Variants in BCL11A observed in about 807,000 individuals in gnomAD.
The protein encoded by BCL11A is B cell CLL/lymphoma 11A.
In BCL11A, 2 loss-of-function variants were observed where a neutral mutation model predicts 55.9. That is an observed-to-expected ratio of 0.04 (90% confidence interval 0.01 to 0.11). The LOEUF is 0.11. BCL11A is among the 10% of genes least tolerant of loss of function. BCL11A has a pLI of 1.00. For missense variants in BCL11A, 817 were observed against 1,137.1 expected, an observed-to-expected ratio of 0.72 and a Z score of 4.05; for synonymous variants, 465 against 473.4, an observed-to-expected ratio of 0.98 and a Z score of 0.23.
chr2:60,520,825 C>A (rs1474991154), intron 2 of BCL11A, among the ~76,000 whole-genome samples: 2 of 144,702 alleles, frequency 1.4e-5, no homozygotes, highest in African/African-American at 2.6e-5. Context: ...GAACCAAAAA[C>A]CACCCATGCC....
chr2:60,524,658 C>CA (rs1173582662), intron 2 of BCL11A: 16 of 152,088 alleles, frequency 1.1e-4, no homozygotes, highest in Non-Finnish European at 1.5e-4. Context: ...CTATAGATCT[C>CA]AAGAGTGCCT....
At chr2:60,453,282 A>C (rs1477001700), downstream of BCL11A, among the ~76,000 whole-genome samples, 1 of 152,180 alleles carries the variant, frequency 6.6e-6, no homozygotes, top group Non-Finnish European at 1.5e-5. Context: ...CTTTTTTGGA[A>C]GGGGGAAGGC....
chr2:60,495,579 A>G (rs1678898893), intron 2 of BCL11A: 1 of 152,254 alleles, frequency 6.6e-6, no homozygotes, highest in Admixed American at 6.5e-5. Flanking sequence ...TGGTTTGCCC[A>G]TGGGGCACAG....
chr2:60,509,127 G>A (rs1052277292), intron 2 of BCL11A, among the ~76,000 whole-genome samples: 31 of 152,218 alleles, frequency 2.0e-4, no homozygotes, highest in African/African-American at 7.0e-4. Flanking sequence ...GATTCAAGCT[G>A]AGAAACAAGA....
intron 1 of BCL11A, among the ~76,000 whole-genome samples, chr2:60,548,961 A>G (rs865823580): frequency 3.3e-5 from 5 of 152,088 alleles, no homozygotes; most frequent in Non-Finnish European, 7.4e-5. Context: ...AAACCTTCCT[A>G]ACCCTCAGCC....
In BCL11A at chr2:60,553,293, G is replaced by T. The variant is rs777847470; in HGVS notation, c.-23C>A. On this transcript the variant is annotated 5_prime_UTR_variant, in exon 1 of 4. Transcript: ENST00000642384. ...CATGGTGGGCTGCGGGGCGGGCGGC[G>T]GCGGCGGCGGCGGCGGCGGCGGGCG... The T allele has an allele frequency of 2.6e-6, 4 of 1,523,496 alleles. No individual in the cohort carries two copies. Among genetic ancestry groups the T allele is most frequent in the Non-Finnish European group, 3.5e-6 (4 of 1,141,430 alleles). 94.4% of individuals were successfully genotyped at this position (1,523,496 alleles called of 1,614,324 possible).
chr2:60,527,593 G>C (rs1487971214), intron 2 of BCL11A: 1 of 152,284 alleles, frequency 6.6e-6, no homozygotes, highest in East Asian at 1.9e-4. Flanking sequence ...ACCTGGATGT[G>C]ACCGACAACT....
Position 60,459,269 on chromosome 2 carries a change from C to A in BCL11A, c.*1135G>T. 9.8e-7 allele frequency: 1 copy of A among 1,017,330 alleles called. No individual in the cohort carries two copies. The highest frequency in any genetic ancestry group is 1.2e-6 in the Non-Finnish European group (1 of 848,032). 63.0% of individuals were successfully genotyped at this position (1,017,330 alleles called of 1,614,324 possible). ...AGATCTGGATCTATTTCTTTTGGTG[C>A]CAGTATTTTTAAAAAGACATTATTA... On this transcript the variant is annotated 3_prime_UTR_variant, in exon 4 of 4. Transcript: ENST00000642384.
chr2:60,456,389 C>T (rs1180991884), downstream of BCL11A, among the ~76,000 whole-genome samples: 1 of 152,226 alleles, frequency 6.6e-6, no homozygotes, highest in Admixed American at 6.5e-5. Flanking sequence ...ATAGACCTAA[C>T]TGGCTGGTCA....
At chr2:60,485,609 C>CGTCA (rs1260863046) in intron 2 of BCL11A, among the ~76,000 whole-genome samples, 9 of 152,226 alleles carry the variant, frequency 5.9e-5, no homozygotes, top group South Asian at 4.1e-4. Context: ...CTCCATCCAA[C>CGTCA]GTCACGAAGC....
rs1572946000 is a variant in BCL11A at position 60,458,926 on chromosome 2, T to C, written c.*1478A>G. ...CCATGTTAACACAAATAGCACACAGTGTATGGAAAAGAAATGAAGTACAAC... is the reference window on the plus strand; with the variant it reads ...CCATGTTAACACAAATAGCACACAGCGTATGGAAAAGAAATGAAGTACAAC... On this transcript the variant is annotated 3_prime_UTR_variant, in exon 4 of 4. Transcript: ENST00000642384. The C allele has an allele frequency of 1.9e-6, 2 of 1,033,752 alleles. No homozygotes were observed. Among genetic ancestry groups the C allele is most frequent in the Non-Finnish European group, 2.3e-6 (2 of 858,770 alleles). The allele number at this position is 1,033,752 out of a possible 1,614,324, so 64.0% of individuals were successfully genotyped here. A position where few individuals can be genotyped will look rare whatever the true frequency, so the allele number is the denominator to read the frequency against.
intron 2 of BCL11A, among the ~76,000 whole-genome samples, chr2:60,502,137 C>T (rs1357566803): frequency 6.6e-6 from 1 of 152,098 alleles, no homozygotes; most frequent in Non-Finnish European, 1.5e-5. Flanking sequence ...AACAATGCAA[C>T]TCAAGACTAT....
chr2:60,517,615 G>A (rs1296211311), intron 2 of BCL11A, among the ~76,000 whole-genome samples: 3 of 152,218 alleles, frequency 2.0e-5, no homozygotes, highest in Non-Finnish European at 4.4e-5. Context: ...AAGCACATGC[G>A]GGCCACCTCT....
In BCL11A at chr2:60,477,912, C is replaced by G. The variant is rs1018585861; in HGVS notation, c.386-9079G>C. Among the ~76,000 whole-genome samples the G allele has an allele frequency of 9.9e-5, 15 of 152,042 alleles. No individual in the cohort carries two copies. The East Asian group carries it at 1.7e-3, about 18-fold the overall frequency. ...CCAGAGGAGGGCAAGGCCTCCAACT[C>G]TAGCCCTTCTTAAGGAAGCACATCT... On this transcript the variant is annotated intron_variant, in intron 2 of 3. Coordinates refer to ENST00000642384, the MANE Select transcript of BCL11A (RefSeq NM_022893.4).
rs1676179020 is a variant in BCL11A, at chr2:60,460,290, T to C, written c.*114A>G. 14 of 1,474,466 alleles carry C rather than the reference T, an allele frequency of 9.5e-6. No homozygotes were observed. Among genetic ancestry groups the C allele is most frequent in the Middle Eastern group, 2.2e-4 (1 of 4,488 alleles). The allele number at this position is 1,474,466 out of a possible 1,614,324, so 91.3% of individuals were successfully genotyped here. A position where few individuals can be genotyped will look rare whatever the true frequency, so the allele number is the denominator to read the frequency against. ...CTGTTTGTTTGTTTGTTTGTTTAAA[T>C]CACATGGGACTAGAAAAAAATCCTA... On this transcript the variant is annotated 3_prime_UTR_variant, in exon 4 of 4. Coordinates refer to ENST00000642384, the MANE Select transcript of BCL11A (RefSeq NM_022893.4).
intron 2 of BCL11A, chr2:60,536,442 C>T (rs1366676163): frequency 2.0e-5 from 3 of 152,250 alleles, no homozygotes; most frequent in African/African-American, 7.2e-5. Flanking sequence ...ATGGAACCCA[C>T]ATCCACAACC....
Position 60,546,025 on chromosome 2 carries a change from C to T in BCL11A, c.331G>A (p.Asp111Asn), listed in dbSNP as rs752115328. ...CCTCTAGATGACGTTGATAAACAATCGTCATCCTCTGGCGTGACCTGGATG... is the reference window on the plus strand; with the variant it reads ...CCTCTAGATGACGTTGATAAACAATTGTCATCCTCTGGCGTGACCTGGATG... ...VGIQVTPEDDDCLSTSSRGIC... is the reference protein window; with the variant it reads ...VGIQVTPEDDNCLSTSSRGIC... Residue 111 changes from aspartate (D) to asparagine (N), a missense_variant, in exon 2 of 4, where the codon GAT (aspartate) becomes AAT (asparagine). Physicochemically the swap from Asp to Asn is conservative, Grantham distance 23. Coordinates refer to ENST00000642384, the MANE Select transcript of BCL11A (RefSeq NM_022893.4). The surrounding 1 kb of genome is among the most constrained non-coding windows in gnomAD (Gnocchi z 4.1). 1 of 1,614,248 alleles carries T rather than the reference C, an allele frequency of 6.2e-7. No homozygotes were observed. Among genetic ancestry groups the T allele is most frequent in the South Asian group, 1.1e-5 (1 of 91,074 alleles).
chr2:60,472,825 G>A (rs551513982), intron 2 of BCL11A, among the ~76,000 whole-genome samples: 1 of 152,274 alleles, frequency 6.6e-6, no homozygotes, highest in Non-Finnish European at 1.5e-5. Context: ...CTAATCAACA[G>A]GTAATACTGC....
At position 60,477,763 on chromosome 2, in the gene BCL11A, C is replaced by T. The variant is rs190000909; in HGVS notation, c.386-8930G>A. On this transcript the variant is annotated intron_variant, in intron 2 of 3. Coordinates refer to ENST00000642384, the MANE Select transcript of BCL11A (RefSeq NM_022893.4). ...AGTGTGGGCAGCCCCAGCGACACTG[C>T]AGCCCGGCCAGGTGGAGGGCTTTCC... is the stretch of plus-strand genomic sequence containing the variant. 1.9e-3 allele frequency among the ~76,000 whole-genome samples: 291 copies of T among 152,186 alleles called. 7 individuals carry two copies. Among genetic ancestry groups the T allele is most frequent in the Admixed American group, 0.019 (289 of 15,288 alleles).
Sources: allele counts gnomAD v4.1 joint callset (sites outside exome capture counted in the v4.1 genomes callset), GRCh38; gene constraint gnomAD v4.1.1; non-coding constraint Gnocchi (gnomAD v3.1); transcripts MANE v1.5; gene names NCBI Gene and HGNC (gene_info 2026-07-23, HGNC 2026-07-21).